GRK5: variants seen among roughly 807,000 people sequenced by gnomAD.
GRK5 encodes G protein-coupled receptor kinase 5.
Under a neutral mutation model 78.4 loss-of-function variants are expected in GRK5, and 40 were observed. The ratio of observed to expected loss-of-function variants is 0.51; its 90% CI spans 0.40 to 0.66. The LOEUF is 0.66. Among genes scored for constraint, GRK5 ranks in the 30% least tolerant of loss-of-function variants. GRK5 has a pLI of 0.00. For missense variants in GRK5, 598 were observed against 759.9 expected, an observed-to-expected ratio of 0.79 and a Z score of 2.50; for synonymous variants, 289 against 296.8, an observed-to-expected ratio of 0.97 and a Z score of 0.27.
At chr10:119,245,289 A>G (rs1322342787) in intron 1 of GRK5, among the ~76,000 whole-genome samples, 2 of 152,070 alleles carry the variant, frequency 1.3e-5, no homozygotes, top group African/African-American at 2.4e-5. Context: ...AAAAAAAAAG[A>G]ATTCAAATCG....
chr10:119,387,738 TG>T (rs1172076965), intron 3 of GRK5, among the ~76,000 whole-genome samples: 2 of 152,162 alleles, frequency 1.3e-5, no homozygotes, highest in Non-Finnish European at 2.9e-5. Flanking sequence ...TCTCCACACT[TG>T]GGTGAGACTT....
intron 1 of GRK5, among the ~76,000 whole-genome samples, chr10:119,248,551 T>G (rs1395104563): frequency 6.6e-6 from 1 of 152,142 alleles, no homozygotes; most frequent in African/African-American, 2.4e-5. Context: ...TGAATGTGCC[T>G]TGTGGAGCTT....
At position 119,442,100 on chromosome 10, in the gene GRK5, GCTGC is replaced by G; in HGVS notation, c.1057+16_1057+19del. The G allele has an allele frequency of 6.2e-7, 1 of 1,611,530 alleles. No individual in the cohort carries two copies. Among genetic ancestry groups the G allele is most frequent in the African/African-American group, 1.3e-5 (1 of 75,010 alleles). On this transcript the variant is annotated intron_variant, in intron 11 of 15. Transcript: ENST00000392870. ...TGTTGGCTACATGGGTGAGTGCTGG[GCTGC>G]CTGTGTCAATGCACCTTGAGACCCA...
intron 1 of GRK5, among the ~76,000 whole-genome samples, chr10:119,304,295 T>G (rs1031712985): frequency 2.1e-5 from 3 of 144,448 alleles, no homozygotes; most frequent in African/African-American, 7.7e-5. Flanking sequence ...TTTTTTTTTT[T>G]TTTTTTTTTT....
intron 1 of GRK5, among the ~76,000 whole-genome samples, chr10:119,210,163 G>C (rs570898285): frequency 3.4e-4 from 52 of 152,214 alleles, no homozygotes; most frequent in Non-Finnish European, 6.5e-4. Context: ...CCTTTTAAAG[G>C]CTTTTTCAAT....
intron 4 of GRK5, among the ~76,000 whole-genome samples, chr10:119,416,011 C>T (rs548012136): frequency 2.6e-5 from 4 of 152,134 alleles, no homozygotes; most frequent in Non-Finnish European, 4.4e-5. Flanking sequence ...CCCAGGGTGA[C>T]GCGGGGCAAA....
intron 12 of GRK5, among the ~76,000 whole-genome samples, chr10:119,447,553 C>A (rs1853178584): frequency 6.6e-6 from 1 of 152,184 alleles, no homozygotes; most frequent in African/African-American, 2.4e-5. Context: ...AACTTAAATA[C>A]CTCTTCCCCG....
In GRK5 at chr10:119,253,846, GGGTGT is replaced by G. The variant is rs1849239693; in HGVS notation, c.52+45879_52+45883del. Among the ~76,000 whole-genome samples the G allele has an allele frequency of 2.2e-5, 1 of 44,746 alleles. No individual in the cohort carries two copies. Among genetic ancestry groups the G allele is most frequent in the Non-Finnish European group, 4.6e-5 (1 of 21,776 alleles). The allele number at this position is 44,746 out of a possible 152,430, so 29.4% of individuals were successfully genotyped here. ...GGTTCCTGGTGGTTCTTTGCCCCAG[GGGTGT>G]GTGTGTGTGTGTGTGTGTGTGTACA... On this transcript the variant is annotated intron_variant, in intron 1 of 15. Coordinates refer to ENST00000392870, the MANE Select transcript of GRK5 (RefSeq NM_005308.3). This position sits in a 1 kb window ranked among gnomAD's most constrained non-coding sequence, Gnocchi z 5.7.
intron 10 of GRK5, 76 bp downstream of exon 10, chr10:119,439,844 A>C: frequency 2.1e-6 from 3 of 1,452,780 alleles, no homozygotes; most frequent in Non-Finnish European, 2.9e-6. Context: ...AGGGATTCTC[A>C]GAGAGGGCTG....
chr10:119,259,412 C>T (rs1589706901), intron 1 of GRK5, among the ~76,000 whole-genome samples: 1 of 152,238 alleles, frequency 6.6e-6, no homozygotes, highest in East Asian at 1.9e-4. Flanking sequence ...GCTTCCTTTT[C>T]TGCATCATAC....
At chr10:119,437,371 G>T (rs1186355524) in intron 9 of GRK5, among the ~76,000 whole-genome samples, 1 of 152,172 alleles carries the variant, frequency 6.6e-6, no homozygotes, top group Non-Finnish European at 1.5e-5. Flanking sequence ...AGGGCCAGGG[G>T]TCCAGATTCC....
intron 1 of GRK5, among the ~76,000 whole-genome samples, chr10:119,214,726 C>T (rs1262265520): frequency 6.6e-6 from 1 of 152,046 alleles, no homozygotes; most frequent in African/African-American, 2.4e-5. Flanking sequence ...CGCCCTGTTG[C>T]CCAGGTTGGT....
At chr10:119,449,252 C>G (rs1243197335) in intron 13 of GRK5, among the ~76,000 whole-genome samples, 2 of 152,210 alleles carry the variant, frequency 1.3e-5, no homozygotes, top group Non-Finnish European at 2.9e-5. Context: ...TCTGCGTCCC[C>G]CTCTCCCAGA....
At chr10:119,262,904 A>G (rs928080815) in intron 1 of GRK5, among the ~76,000 whole-genome samples, 12 of 152,224 alleles carry the variant, frequency 7.9e-5, no homozygotes, top group Non-Finnish European at 1.8e-4. Context: ...AAATTATTCC[A>G]TGGCACCCCA....
chr10:119,211,826 G>C (rs1191388559), intron 1 of GRK5: 1 of 152,220 alleles, frequency 6.6e-6, no homozygotes, highest in African/African-American at 2.4e-5. Flanking sequence ...CCAGCTCTGC[G>C]TGGGGCAGGC....
intron 1 of GRK5, among the ~76,000 whole-genome samples, chr10:119,309,797 C>CT (rs1850330321): frequency 2.0e-5 from 3 of 152,204 alleles, no homozygotes; most frequent in Admixed American, 1.3e-4. Context: ...GGACCCAGCT[C>CT]TTGCCTGTCC....
intron 6 of GRK5, among the ~76,000 whole-genome samples, chr10:119,425,452 C>T (rs1852660482): frequency 6.6e-6 from 1 of 152,168 alleles, no homozygotes; most frequent in African/African-American, 2.4e-5. Flanking sequence ...GTTGGTTCTC[C>T]ATTTTTCTGT....
intron 1 of GRK5, among the ~76,000 whole-genome samples, chr10:119,241,855 T>G (rs1327859498): frequency 6.6e-6 from 1 of 151,926 alleles, no homozygotes; most frequent in Non-Finnish European, 1.5e-5. Context: ...GGCACTGGAG[T>G]TCATAGGGAA....
rs917182743 is a variant in GRK5, at chr10:119,271,469, G to A, written c.53-55047G>A. Among the ~76,000 whole-genome samples, 1 of 152,198 alleles carries A rather than the reference G, an allele frequency of 6.6e-6. No individual in the cohort carries two copies. The highest frequency in any genetic ancestry group is 2.1e-4 in the South Asian group (1 of 4,832). ...GCATTGACTTCTTTGTTTAGCTCTA[G>A]TAAACAGACATTTAGCATATACAGA... On this transcript the variant is annotated intron_variant, in intron 1 of 15. Coordinates refer to ENST00000392870, the MANE Select transcript of GRK5 (RefSeq NM_005308.3). The surrounding 1 kb of genome is among the most constrained non-coding windows in gnomAD (Gnocchi z 4.1).
Sources: gnomAD v4.1 joint callset for allele counts (sites outside exome capture counted in the v4.1 genomes callset) on GRCh38, gnomAD v4.1.1 for gene constraint, Gnocchi (gnomAD v3.1) non-coding constraint, MANE v1.5 for transcripts, NCBI Gene and HGNC (gene_info 2026-07-23, HGNC 2026-07-21) for gene names.